Variants in DOCK1 observed in about 807,000 individuals in gnomAD.
DOCK1 encodes the protein dedicator of cytokinesis 1.
Under a neutral mutation model 262.7 loss-of-function variants are expected in DOCK1, and 138 were observed. That is an observed-to-expected ratio of 0.53 (90% CI 0.46 to 0.61). The LOEUF (loss-of-function observed/expected upper bound fraction) is 0.61. DOCK1 is among the 20% of genes least tolerant of loss of function. The pLI is 0.00. For missense variants in DOCK1, 1,908 were observed against 2,370.7 expected (o/e 0.80, Z 4.05); for synonymous variants, 866 against 867.4 (o/e 1.00, Z 0.03).
intron 27 of DOCK1, among the ~76,000 whole-genome samples, chr10:127,146,410 C>T (rs1290906756): frequency 1.3e-5 from 2 of 151,918 alleles, no homozygotes. Context: ...CGTACATATT[C>T]GAGGGACATA....
intron 33 of DOCK1, among the ~76,000 whole-genome samples, chr10:127,366,030 A>G (rs1330543045): frequency 6.6e-6 from 1 of 152,128 alleles, no homozygotes; most frequent in African/African-American, 2.4e-5. Context: ...CTAGCATGAA[A>G]CATGCCGTGC....
chr10:126,947,753 G>GGTA (rs1591399728), intron 1 of DOCK1, among the ~76,000 whole-genome samples: 78 of 85,378 alleles, frequency 9.1e-4, no homozygotes, highest in African/African-American at 1.5e-3. Flanking sequence ...TGATGGTGGT[G>GGTA]GTTGGTAGTA....
At chr10:127,270,457 C>T (rs922207707) in intron 29 of DOCK1, among the ~76,000 whole-genome samples, 5 of 152,172 alleles carry the variant, frequency 3.3e-5, no homozygotes, top group African/African-American at 4.8e-5. Flanking sequence ...ATTTCGTGCT[C>T]CACTGAATGA....
intron 25 of DOCK1, among the ~76,000 whole-genome samples, chr10:127,116,531 A>T (rs1303386362): frequency 6.6e-6 from 1 of 152,176 alleles, no homozygotes. Context: ...ATAGAAATTT[A>T]TATCTCAAAA....
chr10:126,948,527 C>T lies in DOCK1; in HGVS notation c.47-22175C>T, dbSNP rs1425563626. On this transcript the variant is annotated intron_variant, in intron 1 of 51. Coordinates refer to ENST00000623213, the MANE Select transcript of DOCK1 (RefSeq NM_001290223.2). ...ACTGTCCAGCCGGGCCTTTTGAGGGCATCTGGATGAACCTCTTTTTTACGT... is the reference window on the plus strand; with the variant it reads ...ACTGTCCAGCCGGGCCTTTTGAGGGTATCTGGATGAACCTCTTTTTTACGT... Among the ~76,000 whole-genome samples, 4 of 151,800 alleles carry T rather than the reference C, an allele frequency of 2.6e-5. No individual in the cohort carries two copies. The East Asian group carries it at 5.8e-4, about 22-fold the overall frequency.
chr10:127,154,898 G>C (rs11591276), intron 27 of DOCK1, among the ~76,000 whole-genome samples: 32,504 of 152,142 alleles, frequency 0.21, 4,185 homozygotes, highest in South Asian at 0.29. Flanking sequence ...GTCCAGCCAC[G>C]TAGGAACAGC....
Position 127,248,050 on chromosome 10 carries a change from G to A in DOCK1, c.2890G>A (p.Glu964Lys), listed in dbSNP as rs538234861. 21 of 1,614,040 alleles carry A rather than the reference G, an allele frequency of 1.3e-5. No homozygotes were observed. The South Asian group carries it at 2.1e-4, about 16-fold the overall frequency. The change falls in exon 28 of 52, where the codon GAA (glutamate) becomes AAA (lysine). Residue 964 changes from glutamate to lysine, a missense_variant. This residue lies in a region of DOCK1 where 518 missense variants were observed against 575.1 expected (regional missense o/e 0.90). Coordinates refer to ENST00000623213, the MANE Select transcript of DOCK1 (RefSeq NM_001290223.2). ...ACMTAILRQMEDYHYAHLIKT... is the reference protein window; with the variant it reads ...ACMTAILRQMKDYHYAHLIKT... ...CATGACAGCTATTTTACGACAAATG[G>A]AAGATTACCATTATGCCCACTTGAT... is the stretch of plus-strand genomic sequence containing the variant.
rs2040246221 is a variant in DOCK1 at position 126,997,013 on chromosome 10, T to A, written c.609+130T>A. 6 of 1,083,586 alleles carry A rather than the reference T, an allele frequency of 5.5e-6. No individual in the cohort carries two copies. The South Asian group carries it at 9.7e-5, about 18-fold the overall frequency. 67.1% of individuals were successfully genotyped at this position (1,083,586 alleles called of 1,614,324 possible). ...AAAAGGAGTAGCTGCAGAGTTTGTG[T>A]CCTACAGTCATGAGTGGAATGGAGC... On this transcript the variant is annotated intron_variant, in intron 7 of 51. Coordinates refer to ENST00000623213, the MANE Select transcript of DOCK1 (RefSeq NM_001290223.2).
At chr10:127,077,824 G>C (rs1475894063) in intron 23 of DOCK1, among the ~76,000 whole-genome samples, 1 of 152,128 alleles carries the variant, frequency 6.6e-6, no homozygotes, top group African/African-American at 2.4e-5. Context: ...ACCAGTTAAG[G>C]CCTCCTCAGA....
chr10:127,380,896 C>T (rs1590798538), intron 36 of DOCK1, among the ~76,000 whole-genome samples: 1 of 152,146 alleles, frequency 6.6e-6, no homozygotes, highest in South Asian at 2.1e-4. Flanking sequence ...GAAATTCTTT[C>T]GATCACATTG....
At chr10:127,099,383 C>T (rs1157246651) in intron 23 of DOCK1, among the ~76,000 whole-genome samples, 1 of 152,154 alleles carries the variant, frequency 6.6e-6, no homozygotes, top group Non-Finnish European at 1.5e-5. Context: ...AGGAATGTCT[C>T]TAGATGCTGT....
chr10:127,115,481 G>C (rs2049125469), intron 25 of DOCK1, among the ~76,000 whole-genome samples: 1 of 152,192 alleles, frequency 6.6e-6, no homozygotes, highest in Non-Finnish European at 1.5e-5. Context: ...TAGATACAAA[G>C]AGAAGGAAAA....
chr10:127,434,580 T>C (rs2069532715), intron 48 of DOCK1, among the ~76,000 whole-genome samples: 1 of 152,096 alleles, frequency 6.6e-6, no homozygotes, highest in Non-Finnish European at 1.5e-5. Flanking sequence ...TTCCCCACTC[T>C]TTACCTCCCA....
intron 29 of DOCK1, among the ~76,000 whole-genome samples, chr10:127,298,860 A>C (rs1376511085): frequency 6.6e-6 from 1 of 152,154 alleles, no homozygotes; most frequent in African/African-American, 2.4e-5. Flanking sequence ...GTGAGAAAGG[A>C]GAGAACCCAC....
chr10:127,259,565 A>G (rs1457703719), intron 29 of DOCK1, among the ~76,000 whole-genome samples: 1 of 152,084 alleles, frequency 6.6e-6, no homozygotes, highest in African/African-American at 2.4e-5. Context: ...GCCCGTGTGG[A>G]TGCTGCTCTC....
intron 49 of DOCK1, among the ~76,000 whole-genome samples, chr10:127,440,620 G>A (rs1478635248): frequency 6.6e-6 from 1 of 152,208 alleles, no homozygotes; most frequent in East Asian, 1.9e-4. Context: ...TTAAAACCCA[G>A]AAGGTACGTT....
At chr10:126,910,932 G>T (rs554072183) in intron 1 of DOCK1, among the ~76,000 whole-genome samples, 2 of 152,280 alleles carry the variant, frequency 1.3e-5, no homozygotes, top group African/African-American at 2.4e-5. Context: ...TCATGGTCTG[G>T]ATATGCCCCA....
At chr10:127,180,191 T>C (rs1456701214) in intron 27 of DOCK1, among the ~76,000 whole-genome samples, 1 of 152,236 alleles carries the variant, frequency 6.6e-6, no homozygotes, top group Non-Finnish European at 1.5e-5. Flanking sequence ...CCACAGTGTA[T>C]CTGGGTGCTG....
intron 6 of DOCK1, among the ~76,000 whole-genome samples, chr10:126,992,299 A>G (rs2039846348): frequency 6.6e-6 from 1 of 152,240 alleles, no homozygotes; most frequent in Admixed American, 6.5e-5. Context: ...GCAGGAAGCT[A>G]GCAAAGTACA....
Sources: gnomAD v4.1 joint callset for allele counts (sites outside exome capture counted in the v4.1 genomes callset) on GRCh38, gnomAD v4.1.1 for gene constraint, gnomAD v4.1.1 regional missense constraint, MANE v1.5 for transcripts, NCBI Gene and HGNC (gene_info 2026-07-23, HGNC 2026-07-21) for gene names.